OPRM1: variants seen among roughly 807,000 people sequenced by gnomAD.
The protein encoded by OPRM1 is opioid receptor mu 1, also known as mu-type opioid receptor.
OPRM1 carries 27 observed loss-of-function variants against 31.8 expected under a neutral mutation model. That is an observed-to-expected ratio of 0.85 (90% CI 0.63 to 1.17). The LOEUF is 1.17. OPRM1 is among the 50% of genes most tolerant of loss of function. The pLI, the probability that OPRM1 is intolerant of heterozygous loss-of-function variation, is 0.00. For missense variants in OPRM1, 536 were observed against 511.1 expected, an observed-to-expected ratio of 1.05 and a Z score of -0.47; for synonymous variants, 196 against 189.9, an observed-to-expected ratio of 1.03 and a Z score of -0.26.
intron 3 of OPRM1, among the ~76,000 whole-genome samples, chr6:154,100,598 C>A (rs1794690325): frequency 6.6e-6 from 1 of 151,684 alleles, no homozygotes; most frequent in African/African-American, 2.4e-5. Context: ...TATTGGTCCT[C>A]TCAGTTTAAG....
intron 3 of OPRM1, among the ~76,000 whole-genome samples, chr6:154,110,782 G>A (rs1007984354): frequency 6.6e-6 from 1 of 151,192 alleles, no homozygotes; most frequent in African/African-American, 2.4e-5. Context: ...AGCTACTCGG[G>A]AGGCTGAGGC....
At chr6:154,236,132 A>G (rs546660580) in intron 3 of OPRM1, among the ~76,000 whole-genome samples, 9 of 152,342 alleles carry the variant, frequency 5.9e-5, no homozygotes, top group Admixed American at 5.2e-4. Context: ...GCCAAAAGGT[A>G]GAAGCGACCC....
intron 3 of OPRM1, among the ~76,000 whole-genome samples, chr6:154,117,181 AG>A (rs1257854088): frequency 6.6e-6 from 1 of 152,218 alleles, no homozygotes; most frequent in Non-Finnish European, 1.5e-5. Flanking sequence ...TACCAGACCC[AG>A]GGAGTTCACA....
chr6:154,246,664 A>G, intron 3 of OPRM1: 1 of 1,614,080 alleles, frequency 6.2e-7, no homozygotes, highest in Non-Finnish European at 8.5e-7. Flanking sequence ...GTTGCTTAGG[A>G]AACTTCCCTT....
At chr6:154,237,427 A>G (rs958150633) in intron 3 of OPRM1, among the ~76,000 whole-genome samples, 6 of 152,234 alleles carry the variant, frequency 3.9e-5, no homozygotes, top group Non-Finnish European at 8.8e-5. Flanking sequence ...GATCATAGTC[A>G]CTGAGAAAAA....
At chr6:154,197,456 C>T (rs1005408571) in intron 3 of OPRM1, among the ~76,000 whole-genome samples, 3 of 152,154 alleles carry the variant, frequency 2.0e-5, no homozygotes, top group Non-Finnish European at 2.9e-5. Context: ...CATATGAGAA[C>T]TGCCAACAAA....
chr6:154,150,185 C>A (rs569682732), intron 3 of OPRM1, among the ~76,000 whole-genome samples: 16 of 152,216 alleles, frequency 1.1e-4, no homozygotes, highest in African/African-American at 3.9e-4. Context: ...CAAGGAGAGC[C>A]ATTTCAGCAG....
intron 3 of OPRM1, chr6:154,108,113 C>A (rs1208433447): frequency 1.6e-6 from 1 of 606,806 alleles, no homozygotes; most frequent in Non-Finnish European, 3.0e-6. Flanking sequence ...CCCTAGTGAT[C>A]CGGCTTGCGG....
At chr6:154,164,511 T>C (rs1799270916) in intron 3 of OPRM1, among the ~76,000 whole-genome samples, 1 of 152,186 alleles carries the variant, frequency 6.6e-6, no homozygotes, top group Non-Finnish European at 1.5e-5. Context: ...GGATGGCGCA[T>C]GAGGCTTTTG....
chr6:154,143,173 A>AT (rs903787005), intron 3 of OPRM1, among the ~76,000 whole-genome samples: 10 of 152,148 alleles, frequency 6.6e-5, no homozygotes, highest in Non-Finnish European at 8.8e-5. Context: ...GTAATTTAAT[A>AT]TTTTTTTGAT....
intron 3 of OPRM1, among the ~76,000 whole-genome samples, chr6:154,137,647 T>C (rs1276137357): frequency 6.6e-6 from 1 of 152,210 alleles, no homozygotes; most frequent in Non-Finnish European, 1.5e-5. Flanking sequence ...AAAATGAAAG[T>C]GTACAGCCTT....
chr6:154,016,015 C>T (rs1189448804), intron 1 of OPRM1, among the ~76,000 whole-genome samples: 1 of 151,568 alleles, frequency 6.6e-6, no homozygotes, highest in Non-Finnish European at 1.5e-5. Context: ...TGTAGAGTTG[C>T]AAAATGTACA....
intron 3 of OPRM1, among the ~76,000 whole-genome samples, chr6:154,161,407 C>T (rs900926734): frequency 5.9e-5 from 9 of 152,082 alleles, no homozygotes; most frequent in East Asian, 1.9e-4. Context: ...GATGGGGTTT[C>T]GCCATGTTGA....
At chr6:154,229,997 G>A (rs755666705) in intron 3 of OPRM1, among the ~76,000 whole-genome samples, 1 of 152,140 alleles carries the variant, frequency 6.6e-6, no homozygotes, top group Non-Finnish European at 1.5e-5. Flanking sequence ...CCATTTCTAG[G>A]AAGTGTCCAG....
intron 3 of OPRM1, among the ~76,000 whole-genome samples, chr6:154,215,937 C>T (rs1778358426): frequency 6.6e-6 from 1 of 152,122 alleles, no homozygotes; most frequent in South Asian, 2.1e-4. Flanking sequence ...ATTTTCACCA[C>T]TGGATTGGAA....
chr6:154,124,763 A>G lies in OPRM1; in HGVS notation c.*6042A>G, dbSNP rs2128528979. Among the ~76,000 whole-genome samples, 1 of 152,358 alleles carries G rather than the reference A, an allele frequency of 6.6e-6. No homozygotes were observed. The highest frequency in any genetic ancestry group is 1.5e-5 in the Non-Finnish European group (1 of 68,024). On this transcript the variant is annotated 3_prime_UTR_variant, in exon 4 of 4. Coordinates refer to ENST00000330432, the MANE Select transcript of OPRM1 (RefSeq NM_000914.5). ...GGGAAGAGCAAGGTAAGAATCAAGTAGAAATGATAAAGGGCAAGGAAAAAA... is the reference window on the plus strand; with the variant it reads ...GGGAAGAGCAAGGTAAGAATCAAGTGGAAATGATAAAGGGCAAGGAAAAAA...
chr6:154,154,345 T>C (rs1798628306), intron 3 of OPRM1, among the ~76,000 whole-genome samples: 1 of 152,214 alleles, frequency 6.6e-6, no homozygotes, highest in Admixed American at 6.5e-5. Context: ...TTAAACAAAA[T>C]GTGGGTGCCT....
intron 1 of OPRM1, among the ~76,000 whole-genome samples, chr6:154,065,606 G>A (rs1785238915): frequency 1.3e-5 from 2 of 152,014 alleles, no homozygotes; most frequent in South Asian, 4.1e-4. Context: ...TTTATATGTT[G>A]ACTTTGTATT....
chr6:154,245,271 A>T (rs1780934420), intron 3 of OPRM1, among the ~76,000 whole-genome samples: 1 of 147,386 alleles, frequency 6.8e-6, no homozygotes, highest in Non-Finnish European at 1.5e-5. Flanking sequence ...AGTTGTTATA[A>T]CTCACCAAAT....
Sources: allele counts gnomAD v4.1 joint callset (sites outside exome capture counted in the v4.1 genomes callset), GRCh38; gene constraint gnomAD v4.1.1; transcripts MANE v1.5; gene names NCBI Gene and HGNC (gene_info 2026-07-23, HGNC 2026-07-21).